NEMP2: variants seen among roughly 807,000 people sequenced by gnomAD.
The protein encoded by NEMP2 is UPF0571 transmembrane protein.
NEMP2 carries 53 observed loss-of-function variants against 54.2 expected under a neutral mutation model. The observed-to-expected ratio is 0.98, with a 90% confidence interval of 0.78 to 1.23. The LOEUF (loss-of-function observed/expected upper bound fraction) is 1.23, where lower values mean the gene tolerates loss of function less well. Among genes scored for constraint, NEMP2 ranks in the 50% most tolerant of loss-of-function variants. The probability of loss-of-function intolerance (pLI) is 0.00; values close to 1 mark genes in which losing one functional copy is unlikely to be tolerated. For missense variants in NEMP2, 455 were observed against 511.3 expected, an observed-to-expected ratio of 0.89 and a Z score of 1.06; for synonymous variants, 197 against 190.3, an observed-to-expected ratio of 1.04 and a Z score of -0.29.
At chr2:190,627,519 G>A in the NEMP2 span, among the ~76,000 whole-genome samples, 10 of 151,056 alleles carry the variant, frequency 6.6e-5, no homozygotes, top group East Asian at 1.5e-3. This position sits in a 1 kb window ranked among gnomAD's most constrained non-coding sequence, Gnocchi z 4.4. Flanking sequence ...AGTATTTTTG[G>A]CACTTAACAA....
the NEMP2 span, among the ~76,000 whole-genome samples, chr2:190,428,620 A>G: frequency 1.3e-5 from 2 of 152,120 alleles, no homozygotes; most frequent in Non-Finnish European, 2.9e-5. Flanking sequence ...TCCTTTGAGT[A>G]TCATGTTGGC....
chr2:190,611,410 C>A, the NEMP2 span, among the ~76,000 whole-genome samples: 1 of 152,266 alleles, frequency 6.6e-6, no homozygotes, highest in Non-Finnish European at 1.5e-5. The surrounding 1 kb of genome is among the most constrained non-coding windows in gnomAD (Gnocchi z 5.4). Context: ...TCCTTATAGA[C>A]AGATTTACCC....
At chr2:190,535,285 A>G (rs781030050), upstream of NEMP2, among the ~76,000 whole-genome samples, 5 of 152,214 alleles carry the variant, frequency 3.3e-5, no homozygotes, top group Admixed American at 6.5e-5. Context: ...AGTAACACTG[A>G]CTTGTATGTC....
chr2:190,515,379 C>T (rs961204542), intron 6 of NEMP2, among the ~76,000 whole-genome samples: 12 of 152,188 alleles, frequency 7.9e-5, no homozygotes, highest in South Asian at 6.2e-4. Flanking sequence ...AGAACTGCTA[C>T]GGATTAAAAG....
At chr2:190,500,208 G>A (rs753489517), downstream of NEMP2, 3 of 1,614,126 alleles carry the variant, frequency 1.9e-6, no homozygotes, top group Non-Finnish European at 2.5e-6. The surrounding 1 kb of genome is among the most constrained non-coding windows in gnomAD (Gnocchi z 5.3). Context: ...CTGGCCGCGG[G>A]AGGACACTGA....
At chr2:190,543,583 A>G in the NEMP2 span, among the ~76,000 whole-genome samples, 1 of 152,076 alleles carries the variant, frequency 6.6e-6, no homozygotes. This position sits in a 1 kb window ranked among gnomAD's most constrained non-coding sequence, Gnocchi z 4.7. Context: ...TGTAAGTTCA[A>G]TTCTCTTACC....
the NEMP2 span, among the ~76,000 whole-genome samples, chr2:190,567,786 C>CT: frequency 2.0e-5 from 3 of 152,046 alleles, no homozygotes; most frequent in Non-Finnish European, 2.9e-5. This position sits in a 1 kb window ranked among gnomAD's most constrained non-coding sequence, Gnocchi z 4.0. Context: ...GTAGCTGGGA[C>CT]TACAGGCATG....
At chr2:190,491,828 A>G in the NEMP2 span, among the ~76,000 whole-genome samples, 1 of 152,338 alleles carries the variant, frequency 6.6e-6, no homozygotes, top group Admixed American at 6.5e-5. This position sits in a 1 kb window ranked among gnomAD's most constrained non-coding sequence, Gnocchi z 4.2. Flanking sequence ...CTTCCCTGAA[A>G]AAGAATTCAG....
the NEMP2 span, among the ~76,000 whole-genome samples, chr2:190,605,980 A>G: frequency 6.6e-6 from 1 of 152,158 alleles, no homozygotes; most frequent in Non-Finnish European, 1.5e-5. Context: ...GACATCTCAC[A>G]CTGTTTCTGG....
chr2:190,497,615 G>A, the NEMP2 span: 1 of 1,614,174 alleles, frequency 6.2e-7, no homozygotes, highest in Admixed American at 1.7e-5. This position sits in a 1 kb window ranked among gnomAD's most constrained non-coding sequence, Gnocchi z 5.2. Flanking sequence ...AGCCTGGGGA[G>A]TCAGCTCTTC....
At position 190,513,145 on chromosome 2, in the gene NEMP2, C is replaced by A. The variant is rs565137627; in HGVS notation, c.953+1308G>T. ...GCTGTGCCAGAAGACAGATGGGCCACATCCCACCAGCCAATGAGTATTTAT... is the reference window on the plus strand; with the variant it reads ...GCTGTGCCAGAAGACAGATGGGCCAAATCCCACCAGCCAATGAGTATTTAT... On this transcript the variant is annotated intron_variant, in intron 7 of 8. Transcript: ENST00000409150. The surrounding 1 kb of genome is among the most constrained non-coding windows in gnomAD (Gnocchi z 5.3). 4.6e-5 allele frequency among the ~76,000 whole-genome samples: 7 copies of A among 152,330 alleles called. No homozygotes were observed. In the East Asian group the frequency reaches 1.4e-3, roughly 29 times the overall value.
the NEMP2 span, among the ~76,000 whole-genome samples, chr2:190,457,104 A>G: frequency 5.9e-5 from 9 of 152,142 alleles, no homozygotes; most frequent in Non-Finnish European, 1.0e-4. The surrounding 1 kb of genome is among the most constrained non-coding windows in gnomAD (Gnocchi z 5.1). Context: ...ATCCAGAGGT[A>G]TTTCCTCAAG....
the NEMP2 span, among the ~76,000 whole-genome samples, chr2:190,475,701 G>GA: frequency 4.6e-5 from 7 of 152,062 alleles, no homozygotes; most frequent in Admixed American, 1.3e-4. Flanking sequence ...CACAGAATTG[G>GA]AAAAAACTAC....
chr2:190,496,154 A>C, the NEMP2 span, among the ~76,000 whole-genome samples: 2 of 151,628 alleles, frequency 1.3e-5, no homozygotes, highest in African/African-American at 2.4e-5. The surrounding 1 kb of genome is among the most constrained non-coding windows in gnomAD (Gnocchi z 4.7). Context: ...AAAAAAAAAA[A>C]CACCAAAGAG....
the NEMP2 span, among the ~76,000 whole-genome samples, chr2:190,613,615 T>G: frequency 1.3e-5 from 2 of 151,858 alleles, no homozygotes; most frequent in Non-Finnish European, 2.9e-5. Flanking sequence ...TGAGATGGAG[T>G]CTCACTCTGT....
chr2:190,641,312 C>T, the NEMP2 span: 3 of 152,294 alleles, frequency 2.0e-5, no homozygotes, highest in Non-Finnish European at 4.4e-5. Context: ...CCTTAACATG[C>T]TCTCTTCCTA....
chr2:190,566,854 C>A, the NEMP2 span, among the ~76,000 whole-genome samples: 2 of 151,968 alleles, frequency 1.3e-5, no homozygotes, highest in Non-Finnish European at 2.9e-5. Flanking sequence ...ACAGGTTTTC[C>A]ATACCATACA....
upstream of NEMP2, chr2:190,534,916 C>T: frequency 3.0e-6 from 1 of 334,124 alleles, no homozygotes; most frequent in Non-Finnish European, 5.4e-6. Context: ...CGGCCTCGGC[C>T]TCGGCCTCGG....
the NEMP2 span, among the ~76,000 whole-genome samples, chr2:190,442,157 A>G: frequency 6.6e-6 from 1 of 152,274 alleles, no homozygotes; most frequent in Non-Finnish European, 1.5e-5. Context: ...AATGTTTTAA[A>G]AGATGACTTA....
Sources: allele counts gnomAD v4.1 joint callset (sites outside exome capture counted in the v4.1 genomes callset), GRCh38; gene constraint gnomAD v4.1.1; non-coding constraint Gnocchi (gnomAD v3.1); transcripts MANE v1.5; gene names NCBI Gene and HGNC (gene_info 2026-07-23, HGNC 2026-07-21).